Variants in JARID2 observed in about 807,000 individuals in gnomAD.
JARID2 encodes the protein protein Jumonji.
A neutral mutation model predicts 125.6 loss-of-function variants in JARID2; 21 were observed. The observed-to-expected ratio is 0.17, with a 90% CI of 0.12 to 0.24. JARID2 has a LOEUF of 0.24. Among genes scored for constraint, JARID2 ranks in the 10% least tolerant of loss-of-function variants. The pLI is 1.00. For missense variants in JARID2, 1,303 were observed against 1,639.6 expected, an observed-to-expected ratio of 0.79 and a Z score of 3.55; for synonymous variants, 736 against 661.6, an observed-to-expected ratio of 1.11 and a Z score of -1.73.
At chr6:15,341,698 A>G (rs988494858) in intron 1 of JARID2, among the ~76,000 whole-genome samples, 1 of 152,248 alleles carries the variant, frequency 6.6e-6, no homozygotes. Context: ...CTTTATTGTT[A>G]GTAAATGGCA....
intron 1 of JARID2, among the ~76,000 whole-genome samples, chr6:15,337,624 TA>T (rs1362635212): frequency 1.4e-4 from 21 of 152,202 alleles, no homozygotes; most frequent in African/African-American, 3.6e-4. Context: ...ACATAAGGAT[TA>T]GGGGGGGTCC....
chr6:15,468,521 C>A, intron 4 of JARID2, 21 bp from the exon 5 acceptor site: 1 of 1,603,218 alleles, frequency 6.2e-7, no homozygotes, highest in Admixed American at 1.7e-5. Context: ...TGTTTATGAG[C>A]TGTTTTTCTT....
intron 17 of JARID2, among the ~76,000 whole-genome samples, chr6:15,518,734 A>G (rs1160083415): frequency 6.6e-6 from 1 of 152,190 alleles, no homozygotes; most frequent in African/African-American, 2.4e-5. Context: ...AGCTTGCTTC[A>G]GCCTCCCAAA....
At chr6:15,467,922 C>G (rs1438515381) in intron 4 of JARID2, among the ~76,000 whole-genome samples, 2 of 152,106 alleles carry the variant, frequency 1.3e-5, no homozygotes, top group Admixed American at 6.6e-5. Context: ...GATCGGTTCC[C>G]CCGTTGGGAG....
chr6:15,365,016 A>G (rs748843592), intron 1 of JARID2, among the ~76,000 whole-genome samples: 9 of 152,238 alleles, frequency 5.9e-5, no homozygotes, highest in Non-Finnish European at 1.2e-4. Flanking sequence ...CATAATGAAC[A>G]TAAAAAGGCA....
intron 1 of JARID2, among the ~76,000 whole-genome samples, chr6:15,254,379 G>T (rs962720984): frequency 1.3e-5 from 2 of 152,156 alleles, no homozygotes; most frequent in African/African-American, 4.8e-5. Flanking sequence ...TGACTTTGAG[G>T]CTTAGGGGAC....
At position 15,431,350 on chromosome 6, in the gene JARID2, A is replaced by T. The variant is rs549921313; in HGVS notation, c.324-20656A>T. Among the ~76,000 whole-genome samples the T allele has an allele frequency of 3.3e-5, 5 of 152,304 alleles. No individual in the cohort carries two copies. In the East Asian group the frequency reaches 9.7e-4, roughly 29 times the overall value. On this transcript the variant is annotated intron_variant, in intron 3 of 17. Transcript: ENST00000341776. The stretch of plus-strand genomic sequence containing the variant: ...CAAATGCACGCTGATGTTTTCCATC[A>T]GCTGCGATCCGTATGTCTCATAAAC...
At position 15,335,630 on chromosome 6, in the gene JARID2, A is replaced by AGG. The variant is rs1581426042; in HGVS notation, c.46-38486_46-38485dup. On this transcript the variant is annotated intron_variant, in intron 1 of 17. Transcript: ENST00000341776. ...TTTCTCTGCCTGCCTGTCCACATTGAGGTGTCCCTGGGGGGTGTCTTTTCT... is the reference window on the plus strand; with the variant it reads ...TTTCTCTGCCTGCCTGTCCACATTGAGGGGTGTCCCTGGGGGGTGTCTTTTCT... 4.6e-5 allele frequency among the ~76,000 whole-genome samples: 7 copies of AGG among 152,106 alleles called. No homozygotes were observed. The East Asian group carries it at 1.4e-3, about 29-fold the overall frequency.
intron 3 of JARID2, among the ~76,000 whole-genome samples, chr6:15,431,732 T>G (rs1451418708): frequency 6.6e-6 from 1 of 152,210 alleles, no homozygotes; most frequent in Non-Finnish European, 1.5e-5. Flanking sequence ...CAGATGGCAG[T>G]TTGGATAATG....
At chr6:15,404,763 T>C (rs1424896810) in intron 2 of JARID2, among the ~76,000 whole-genome samples, 1 of 152,246 alleles carries the variant, frequency 6.6e-6, no homozygotes, top group African/African-American at 2.4e-5. Context: ...GACTTTGGTG[T>C]GCTCCAGATG....
At chr6:15,369,294 CT>C in intron 1 of JARID2, 1 of 460,526 alleles carries the variant, frequency 2.2e-6, no homozygotes, top group Non-Finnish European at 4.5e-6. Context: ...GTGTTTTTTA[CT>C]AATTTTAGTA....
intron 3 of JARID2, among the ~76,000 whole-genome samples, chr6:15,414,793 GT>G (rs1313385640): frequency 3.3e-5 from 5 of 151,972 alleles, no homozygotes; most frequent in African/African-American, 4.8e-5. Context: ...TATTTACATA[GT>G]TTATAACATA....
At chr6:15,345,834 C>T (rs1461491553) in intron 1 of JARID2, among the ~76,000 whole-genome samples, 1 of 152,188 alleles carries the variant, frequency 6.6e-6, no homozygotes, top group Non-Finnish European at 1.5e-5. Flanking sequence ...GTCATTGAGC[C>T]TTGGGTGGAC....
At chr6:15,386,268 C>T (rs1764781509) in intron 2 of JARID2, among the ~76,000 whole-genome samples, 2 of 149,026 alleles carry the variant, frequency 1.3e-5, no homozygotes, top group South Asian at 4.4e-4. Flanking sequence ...GTTCTTCTCC[C>T]CCTTCCTTTC....
At chr6:15,275,694 C>T (rs1199934051) in intron 1 of JARID2, among the ~76,000 whole-genome samples, 1 of 152,048 alleles carries the variant, frequency 6.6e-6, no homozygotes, top group Non-Finnish European at 1.5e-5. Flanking sequence ...CATTGCAATT[C>T]CCTTTTCTCA....
chr6:15,263,707 C>G (rs533221435), intron 1 of JARID2, among the ~76,000 whole-genome samples: 3 of 151,864 alleles, frequency 2.0e-5, no homozygotes, highest in African/African-American at 7.3e-5. Context: ...ATTCTCCTGC[C>G]TCAGCCTCCA....
intron 1 of JARID2, among the ~76,000 whole-genome samples, chr6:15,284,954 C>T (rs1367299606): frequency 1.3e-5 from 2 of 152,028 alleles, no homozygotes; most frequent in East Asian, 1.9e-4. Flanking sequence ...ACTGGCTCTG[C>T]GCCCCTCACC....
chr6:15,264,207 G>A (rs1356140014), intron 1 of JARID2, among the ~76,000 whole-genome samples: 1 of 152,208 alleles, frequency 6.6e-6, no homozygotes, highest in East Asian at 1.9e-4. Flanking sequence ...AGGAGCACAT[G>A]TCTTGGTGTG....
chr6:15,337,341 C>T (rs528963855), intron 1 of JARID2, among the ~76,000 whole-genome samples: 1 of 152,324 alleles, frequency 6.6e-6, no homozygotes, highest in Admixed American at 6.5e-5. Context: ...CCAGATGTTC[C>T]TAGAGGTGCC....
Sources: allele counts gnomAD v4.1 joint callset (sites outside exome capture counted in the v4.1 genomes callset), GRCh38; gene constraint gnomAD v4.1.1; transcripts MANE v1.5; gene names NCBI Gene and HGNC (gene_info 2026-07-23, HGNC 2026-07-21).